Variants in GREM2 observed in about 807,000 individuals in gnomAD.
The protein encoded by GREM2 is gremlin-2.
A neutral mutation model predicts 14.2 loss-of-function variants in GREM2; 11 were observed. The observed-to-expected ratio is 0.78, with a 90% confidence interval of 0.49 to 1.28. The LOEUF is 1.28. Among genes scored for constraint, GREM2 ranks in the 50% most tolerant of loss-of-function variants. The pLI is 0.00. For synonymous variants in GREM2, 98 were observed against 97.6 expected (o/e 1.00, Z -0.02); for missense variants, 210 against 218.5 (o/e 0.96, Z 0.24).
intron 1 of GREM2, among the ~76,000 whole-genome samples, chr1:240,558,162 C>T (rs1346349638): frequency 6.6e-6 from 1 of 151,886 alleles, no homozygotes; most frequent in Non-Finnish European, 1.5e-5. Context: ...TCATCTTCCA[C>T]GTGGGGAGTG....
intron 1 of GREM2, among the ~76,000 whole-genome samples, chr1:240,580,470 T>C (rs1679463717): frequency 6.6e-6 from 1 of 152,248 alleles, no homozygotes; most frequent in Non-Finnish European, 1.5e-5. Flanking sequence ...TTTAAATAAT[T>C]GATGACTTGC....
intron 1 of GREM2, chr1:240,531,627 C>G: frequency 1.0e-6 from 1 of 984,888 alleles, no homozygotes; most frequent in East Asian, 1.1e-4. Flanking sequence ...CACTGCTCTG[C>G]CCATTACCTG....
chr1:240,507,087 G>A (rs1677690425), intron 1 of GREM2, among the ~76,000 whole-genome samples: 1 of 152,208 alleles, frequency 6.6e-6, no homozygotes, highest in African/African-American at 2.4e-5. Context: ...AGGGCAGGGA[G>A]TTTCTATGGC....
chr1:240,601,912 C>CAAAA (rs58182251), intron 1 of GREM2, among the ~76,000 whole-genome samples: 3 of 96,408 alleles, frequency 3.1e-5, no homozygotes, highest in Non-Finnish European at 4.3e-5. Flanking sequence ...GAATCCATCT[C>CAAAA]AAAAAAAAAA....
intron 1 of GREM2, among the ~76,000 whole-genome samples, chr1:240,516,554 T>C (rs778943901): frequency 1.3e-5 from 2 of 152,162 alleles, no homozygotes; most frequent in Non-Finnish European, 2.9e-5. Context: ...TTTGGGGGCA[T>C]CTGGGAAGAA....
chr1:240,514,470 A>G (rs1233746865), intron 1 of GREM2, among the ~76,000 whole-genome samples: 2 of 143,810 alleles, frequency 1.4e-5, no homozygotes, highest in Non-Finnish European at 3.0e-5. Flanking sequence ...GAAAGGTGAG[A>G]GTGAAATGTA....
intron 1 of GREM2, among the ~76,000 whole-genome samples, chr1:240,502,224 C>T (rs1328252497): frequency 6.6e-6 from 1 of 152,106 alleles, no homozygotes; most frequent in Non-Finnish European, 1.5e-5. Context: ...TCCATGCAAC[C>T]CACCAACTTT....
At chr1:240,535,911 C>T (rs566378117) in intron 1 of GREM2, among the ~76,000 whole-genome samples, 2 of 151,782 alleles carry the variant, frequency 1.3e-5, no homozygotes, top group South Asian at 2.1e-4. Flanking sequence ...AACAGAAAGA[C>T]GATCCCAAGA....
intron 1 of GREM2, among the ~76,000 whole-genome samples, chr1:240,501,034 T>G (rs1677559677): frequency 1.3e-5 from 2 of 152,202 alleles, no homozygotes; most frequent in Admixed American, 6.5e-5. Flanking sequence ...ATTCATCGCC[T>G]TTTGCCTATC....
At chr1:240,562,940 G>T (rs935467468) in intron 1 of GREM2, among the ~76,000 whole-genome samples, 1 of 142,878 alleles carries the variant, frequency 7.0e-6, no homozygotes, top group Non-Finnish European at 1.5e-5. Flanking sequence ...GTGTGTGAGT[G>T]TGTGAGTGTG....
At chr1:240,546,736 TGA>T (rs1678730454) in intron 1 of GREM2, among the ~76,000 whole-genome samples, 3 of 152,258 alleles carry the variant, frequency 2.0e-5, no homozygotes, top group Admixed American at 2.0e-4. Context: ...CTTTTGGGAA[TGA>T]GAGAGAAAAT....
chr1:240,568,149 C>CAT (rs1206791682), intron 1 of GREM2, among the ~76,000 whole-genome samples: 1 of 152,014 alleles, frequency 6.6e-6, no homozygotes, highest in African/African-American at 2.4e-5. Flanking sequence ...GCATTTATAA[C>CAT]ATATATATAA....
At chr1:240,537,513 C>T (rs529557530) in intron 1 of GREM2, among the ~76,000 whole-genome samples, 13 of 151,958 alleles carry the variant, frequency 8.6e-5, no homozygotes, top group African/African-American at 2.4e-4. Context: ...GAGTTCAGGC[C>T]GGGCACGGTG....
At chr1:240,538,776 T>A (rs1046661701) in intron 1 of GREM2, among the ~76,000 whole-genome samples, 5 of 152,170 alleles carry the variant, frequency 3.3e-5, no homozygotes, top group Non-Finnish European at 7.4e-5. Flanking sequence ...GTAAACTGTA[T>A]GTACTCGACT....
intron 1 of GREM2, among the ~76,000 whole-genome samples, chr1:240,572,080 A>T (rs1168829531): frequency 2.6e-5 from 4 of 152,222 alleles, no homozygotes; most frequent in African/African-American, 7.2e-5. Context: ...TTGACACTGA[A>T]CGAATGATAA....
chr1:240,505,165 C>T (rs1382452686), intron 1 of GREM2, among the ~76,000 whole-genome samples: 2 of 152,294 alleles, frequency 1.3e-5, no homozygotes, highest in South Asian at 2.1e-4. Context: ...TGCTGGCTCC[C>T]ACTTCAACTT....
intron 1 of GREM2, among the ~76,000 whole-genome samples, chr1:240,604,537 C>T (rs759490842): frequency 1.3e-5 from 2 of 152,136 alleles, no homozygotes; most frequent in Non-Finnish European, 2.9e-5. Context: ...TGTGATTCCA[C>T]TGATGTTACT....
At chr1:240,568,028 G>C (rs745359322) in intron 1 of GREM2, among the ~76,000 whole-genome samples, 1 of 152,128 alleles carries the variant, frequency 6.6e-6, no homozygotes, top group Non-Finnish European at 1.5e-5. Context: ...AGAACCACTT[G>C]AACTTGGGAG....
chr1:240,532,055 G>A (rs190999520), intron 1 of GREM2, among the ~76,000 whole-genome samples: 134 of 151,782 alleles, frequency 8.8e-4, no homozygotes, highest in African/African-American at 3.1e-3. Context: ...TAAAAAGTGA[G>A]GATTTGGAAC....
Sources: allele counts gnomAD v4.1 joint callset (sites outside exome capture counted in the v4.1 genomes callset), GRCh38; gene constraint gnomAD v4.1.1; transcripts MANE v1.5; gene names NCBI Gene and HGNC (gene_info 2026-07-23, HGNC 2026-07-21).